The following CSMD1 variants were observed in gnomAD, a reference collection of about 807,000 sequenced individuals.
CSMD1 encodes CUB and sushi domain-containing protein 1.
CSMD1 carries 213 observed loss-of-function variants against 417.5 expected under a neutral mutation model. That is an observed-to-expected ratio of 0.51 (90% CI 0.46 to 0.57). CSMD1 has a LOEUF of 0.57. Ranked by LOEUF, CSMD1 falls within the 20% of genes least tolerant of loss-of-function variation. The pLI, the probability that CSMD1 is intolerant of heterozygous loss-of-function variation, is 0.00. For missense variants in CSMD1, 6,923 were observed against 4,529.7 expected (o/e 1.53, Z -15.17); for synonymous variants, 2,862 against 1,736.8 (o/e 1.65, Z -16.11).
chr8:3,952,469 C>A (rs1208150323), intron 5 of CSMD1, among the ~76,000 whole-genome samples: 1 of 152,128 alleles, frequency 6.6e-6, no homozygotes, highest in Non-Finnish European at 1.5e-5. Context: ...TACACTTTAA[C>A]TCAGTTTTAC....
intron 2 of CSMD1, among the ~76,000 whole-genome samples, chr8:4,440,553 A>G (rs1250022084): frequency 9.8e-5 from 15 of 152,332 alleles, no homozygotes; most frequent in East Asian, 3.9e-4. Context: ...TGACATGCAT[A>G]TCTATATGTA....
intron 4 of CSMD1, among the ~76,000 whole-genome samples, chr8:3,999,020 A>G (rs1480908110): frequency 6.7e-6 from 1 of 149,322 alleles, no homozygotes. Flanking sequence ...CATATAAACT[A>G]TATGATACTT....
At chr8:4,458,578 A>G (rs1191028485) in intron 2 of CSMD1, among the ~76,000 whole-genome samples, 1 of 152,206 alleles carries the variant, frequency 6.6e-6, no homozygotes, top group Non-Finnish European at 1.5e-5. Context: ...ACATTGTAAC[A>G]GTAAATACAA....
At chr8:4,284,462 A>G (rs1253927184) in intron 3 of CSMD1, among the ~76,000 whole-genome samples, 1 of 137,846 alleles carries the variant, frequency 7.3e-6, no homozygotes, top group Non-Finnish European at 1.5e-5. Flanking sequence ...CCTCCCCGTC[A>G]CCATGTGGCT....
At chr8:3,898,875 G>A (rs1013269512) in intron 5 of CSMD1, among the ~76,000 whole-genome samples, 2 of 151,982 alleles carry the variant, frequency 1.3e-5, no homozygotes, top group African/African-American at 2.4e-5. Flanking sequence ...ATACTCTGTT[G>A]GTCCCCTTAG....
chr8:3,455,585 C>A (rs1001400151), intron 12 of CSMD1, among the ~76,000 whole-genome samples: 2 of 152,208 alleles, frequency 1.3e-5, no homozygotes, highest in Non-Finnish European at 2.9e-5. Context: ...CACTCCAGAC[C>A]TTGTGTGCCT....
At position 3,205,639 on chromosome 8, in the gene CSMD1, G is replaced by A. The variant is rs761708179; in HGVS notation, c.4868-19C>T. On this transcript the variant is annotated intron_variant, in intron 30 of 69. Transcript: ENST00000635120. ...CAGGGAGCTGAAAATAAAATCAACC[G>A]AGAATTAGTCGCTGTGCAATAATAG... The A allele has an allele frequency of 5.5e-6, 7 of 1,273,816 alleles. No individual in the cohort carries two copies. The highest frequency in any genetic ancestry group is 1.9e-4 in the Middle Eastern group (1 of 5,138). The allele number at this position is 1,273,816 out of a possible 1,614,324, so 78.9% of individuals were successfully genotyped here.
intron 1 of CSMD1, among the ~76,000 whole-genome samples, chr8:4,814,898 A>G (rs1238075850): frequency 6.6e-6 from 1 of 152,212 alleles, no homozygotes; most frequent in East Asian, 1.9e-4. Context: ...AAACTATATA[A>G]TCACAAAACT....
chr8:4,546,569 G>T (rs1030712670), intron 2 of CSMD1, among the ~76,000 whole-genome samples: 10 of 152,098 alleles, frequency 6.6e-5, no homozygotes, highest in Admixed American at 5.9e-4. Flanking sequence ...CAGCACTTCT[G>T]GTTCTCAGGC....
intron 5 of CSMD1, among the ~76,000 whole-genome samples, chr8:3,913,419 G>A (rs1347909691): frequency 6.6e-6 from 1 of 152,112 alleles, no homozygotes; most frequent in Non-Finnish European, 1.5e-5. Flanking sequence ...CCACTGGGAT[G>A]TGTCCCAGAA....
intron 1 of CSMD1, among the ~76,000 whole-genome samples, chr8:4,848,726 T>C (rs753991917): frequency 1.1e-4 from 17 of 152,100 alleles, no homozygotes; most frequent in Admixed American, 9.8e-4. Flanking sequence ...ATTTTTATAG[T>C]AGGGACTGGG....
intron 1 of CSMD1, among the ~76,000 whole-genome samples, chr8:4,864,126 G>T (rs559966286): frequency 1.8e-4 from 28 of 151,834 alleles, no homozygotes; most frequent in African/African-American, 6.8e-4. Flanking sequence ...ACTTTGTCTG[G>T]GTATTTTTTA....
chr8:4,659,134 A>G (rs1354878544), intron 1 of CSMD1, among the ~76,000 whole-genome samples: 1 of 152,186 alleles, frequency 6.6e-6, no homozygotes, highest in African/African-American at 2.4e-5. Context: ...TGGGTCAAAG[A>G]AGAAATTCCA....
chr8:2,941,932 C>T (rs1246495147), intron 69 of CSMD1, among the ~76,000 whole-genome samples: 1 of 152,136 alleles, frequency 6.6e-6, no homozygotes, highest in Non-Finnish European at 1.5e-5. Context: ...TCCTTTATTT[C>T]ATCTTTCAAT....
intron 4 of CSMD1, among the ~76,000 whole-genome samples, chr8:4,001,399 G>A (rs535073632): frequency 3.2e-4 from 48 of 152,274 alleles, no homozygotes; most frequent in South Asian, 1.0e-3. Flanking sequence ...TCGATGACCT[G>A]CAGAAGGTGT....
At chr8:3,819,561 C>CACACACTT (rs3219854) in intron 5 of CSMD1, among the ~76,000 whole-genome samples, 2,779 of 149,852 alleles carry the variant, frequency 0.019, 81 homozygotes, top group African/African-American at 0.058. Flanking sequence ...CACACACACA[C>CACACACTT]GTATGTATAT....
chr8:3,620,010 G>A (rs556555022), intron 7 of CSMD1, among the ~76,000 whole-genome samples: 1 of 152,172 alleles, frequency 6.6e-6, no homozygotes, highest in Admixed American at 6.5e-5. Context: ...GCTGAGACAG[G>A]AGAATAGCTT....
intron 26 of CSMD1, among the ~76,000 whole-genome samples, chr8:3,237,466 A>T (rs994456301): frequency 6.6e-6 from 1 of 150,412 alleles, no homozygotes; most frequent in African/African-American, 2.4e-5. Context: ...CAAAACAAAA[A>T]ACCAAAAAAC....
chr8:2,990,541 G>C (rs1806289199), intron 54 of CSMD1, among the ~76,000 whole-genome samples: 1 of 151,978 alleles, frequency 6.6e-6, no homozygotes, highest in African/African-American at 2.4e-5. Context: ...TAGACTATAC[G>C]ATCGACTTGC....
Sources: allele counts gnomAD v4.1 joint callset (sites outside exome capture counted in the v4.1 genomes callset), GRCh38; gene constraint gnomAD v4.1.1; transcripts MANE v1.5; gene names NCBI Gene and HGNC (gene_info 2026-07-23, HGNC 2026-07-21).